Variants in SIPA1L1 observed in about 807,000 individuals in gnomAD.
SIPA1L1 encodes signal induced proliferation associated 1 like 1, also known as signal-induced proliferation-associated 1-like protein 1.
In SIPA1L1, 26 loss-of-function variants were observed where a neutral mutation model predicts 162.7. That is an observed-to-expected ratio of 0.16 (90% CI 0.12 to 0.22). The LOEUF (loss-of-function observed/expected upper bound fraction) is 0.22. Ranked by LOEUF, SIPA1L1 falls within the 10% of genes least tolerant of loss-of-function variation. SIPA1L1 has a pLI of 1.00. For missense variants in SIPA1L1, 1,874 were observed against 2,241.0 expected (o/e 0.84, Z 3.31); for synonymous variants, 829 against 837.4 (o/e 0.99, Z 0.17).
At chr14:71,367,574 C>T (rs1404628740) in intron 2 of SIPA1L1, among the ~76,000 whole-genome samples, 3 of 147,882 alleles carry the variant, frequency 2.0e-5, no homozygotes, top group African/African-American at 7.6e-5. Flanking sequence ...TCCCAAAGTG[C>T]TGGGATTACA....
At chr14:71,666,109 C>T (rs997979738) in intron 10 of SIPA1L1, among the ~76,000 whole-genome samples, 1 of 152,058 alleles carries the variant, frequency 6.6e-6, no homozygotes, top group African/African-American at 2.4e-5. Flanking sequence ...GATGCAAATA[C>T]TATAAAAAGA....
intron 2 of SIPA1L1, among the ~76,000 whole-genome samples, chr14:71,404,312 T>C (rs1475520625): frequency 1.3e-5 from 2 of 152,138 alleles, no homozygotes; most frequent in East Asian, 3.8e-4. Context: ...CCCAGCACTT[T>C]GTGGGCAGAT....
chr14:71,517,402 T>C (rs1044728016), intron 3 of SIPA1L1, among the ~76,000 whole-genome samples: 2 of 152,230 alleles, frequency 1.3e-5, no homozygotes, highest in Non-Finnish European at 1.5e-5. Flanking sequence ...TTTAACATCA[T>C]GGTTCACTGA....
chr14:71,663,470 G>A (rs1264287898), intron 10 of SIPA1L1, among the ~76,000 whole-genome samples: 1 of 151,990 alleles, frequency 6.6e-6, no homozygotes, highest in Non-Finnish European at 1.5e-5. Flanking sequence ...ACAGAATTAA[G>A]TATCCATTTT....
chr14:71,388,537 G>C (rs969370759), intron 2 of SIPA1L1, among the ~76,000 whole-genome samples: 1 of 152,234 alleles, frequency 6.6e-6, no homozygotes, highest in Admixed American at 6.5e-5. Context: ...TACCCTTTCC[G>C]TGTCAAATTC....
chr14:71,736,289 C>T (rs1053840518), intron 22 of SIPA1L1, among the ~76,000 whole-genome samples: 4 of 152,188 alleles, frequency 2.6e-5, no homozygotes, highest in East Asian at 3.9e-4. Flanking sequence ...CCTAGCTACT[C>T]GGGAAGCCAA....
chr14:71,569,354 AT>A (rs955826005), intron 4 of SIPA1L1, among the ~76,000 whole-genome samples: 11 of 152,094 alleles, frequency 7.2e-5, no homozygotes, highest in Non-Finnish European at 1.6e-4. Context: ...AGCTGGGAGG[AT>A]TGCACTAAGG....
intron 19 of SIPA1L1, among the ~76,000 whole-genome samples, chr14:71,725,812 T>A (rs1185171301): frequency 6.6e-6 from 1 of 152,236 alleles, no homozygotes. Flanking sequence ...CTTTGAAGTC[T>A]TCTGTTCTCT....
chr14:71,674,250 T>G (rs1252155199), intron 12 of SIPA1L1, among the ~76,000 whole-genome samples: 1 of 152,138 alleles, frequency 6.6e-6, no homozygotes, highest in East Asian at 1.9e-4. Context: ...CAGGTTTATA[T>G]GCGGGAAAGG....
intron 17 of SIPA1L1, among the ~76,000 whole-genome samples, chr14:71,715,449 G>A (rs939907946): frequency 5.3e-5 from 8 of 152,198 alleles, no homozygotes; most frequent in Non-Finnish European, 8.8e-5. Context: ...TCAGCAGTCA[G>A]CTTGTTCAGA....
chr14:71,650,684 A>G (rs781032951), intron 8 of SIPA1L1, among the ~76,000 whole-genome samples, 175 bp downstream of exon 8: 3 of 152,194 alleles, frequency 2.0e-5, no homozygotes, highest in Non-Finnish European at 4.4e-5. Flanking sequence ...GATCATAACC[A>G]AAGTAGCTAG....
intron 2 of SIPA1L1, among the ~76,000 whole-genome samples, chr14:71,501,969 C>T (rs987321459): frequency 6.6e-6 from 1 of 150,620 alleles, no homozygotes; most frequent in Non-Finnish European, 1.5e-5. Flanking sequence ...CCACTTGAAC[C>T]CGGGAAGTAG....
chr14:71,589,480 A>G (rs1239247867), intron 5 of SIPA1L1, 110 bp downstream of exon 5: 5 of 638,306 alleles, frequency 7.8e-6, no homozygotes, highest in Non-Finnish European at 1.3e-5. Flanking sequence ...TGCATGTCTT[A>G]TCTTTCTTGA....
At chr14:71,359,477 ATCT>A (rs1247677216) in intron 2 of SIPA1L1, among the ~76,000 whole-genome samples, 1 of 152,192 alleles carries the variant, frequency 6.6e-6, no homozygotes, top group East Asian at 1.9e-4. Context: ...ATGGTGTGTC[ATCT>A]TCTTCAGTAG....
chr14:71,461,830 G>C (rs2046624926), intron 2 of SIPA1L1, among the ~76,000 whole-genome samples: 1 of 152,180 alleles, frequency 6.6e-6, no homozygotes, highest in South Asian at 2.1e-4. Context: ...GGTGGTGCCT[G>C]CATATCGTGC....
intron 2 of SIPA1L1, among the ~76,000 whole-genome samples, chr14:71,354,311 G>C (rs1234241759): frequency 6.8e-6 from 1 of 146,602 alleles, no homozygotes; most frequent in Non-Finnish European, 1.5e-5. Context: ...ATGGAGTCAC[G>C]CTCTGTTGCC....
Position 71,624,068 on chromosome 14 carries a change from G to T in SIPA1L1, c.1650G>T (p.Ser550=). The T allele has an allele frequency of 6.2e-7, 1 of 1,609,684 alleles. No homozygotes were observed. The stretch of plus-strand genomic sequence containing the variant: ...TGCAGCTCATGACACTGAGAGGTTC[G>T]GTCCTGGAGGACGCCATTCCGTCGA... ...RTSELMTLRG[S]VLEDAIPSTA... is the part of the protein sequence containing the mutation. The change falls in exon 7 of 24, where the codon TCG becomes TCT. Residue 550 remains serine (S), a synonymous_variant. Transcript: ENST00000381232.
intron 2 of SIPA1L1, among the ~76,000 whole-genome samples, chr14:71,445,263 T>C (rs758792340): frequency 2.0e-5 from 3 of 152,176 alleles, no homozygotes; most frequent in Non-Finnish European, 2.9e-5. Flanking sequence ...TTTCCTGATA[T>C]GTAGAGAACT....
intron 2 of SIPA1L1, among the ~76,000 whole-genome samples, chr14:71,507,741 T>C (rs1457266587): frequency 2.0e-5 from 3 of 152,236 alleles, no homozygotes; most frequent in Non-Finnish European, 2.9e-5. Flanking sequence ...TTTTAATATA[T>C]TCTTTTTTTG....
Sources: allele counts gnomAD v4.1 joint callset (sites outside exome capture counted in the v4.1 genomes callset), GRCh38; gene constraint gnomAD v4.1.1; transcripts MANE v1.5; gene names NCBI Gene and HGNC (gene_info 2026-07-23, HGNC 2026-07-21).